Variants in SLC9A9 observed in about 807,000 individuals in gnomAD.
The protein encoded by SLC9A9 is sodium/hydrogen exchanger 9.
A neutral mutation model predicts 77.8 loss-of-function variants in SLC9A9; 62 were observed. The observed-to-expected ratio is 0.80, with a 90% CI of 0.65 to 0.98. SLC9A9 has a LOEUF of 0.98. Among genes scored for constraint, SLC9A9 ranks in the 50% least tolerant of loss-of-function variants. The probability of loss-of-function intolerance (pLI) is 0.00; values close to 1 mark genes in which losing one functional copy is unlikely to be tolerated. For missense variants in SLC9A9, 775 were observed against 774.9 expected, an observed-to-expected ratio of 1.00 and a Z score of 0.00; for synonymous variants, 320 against 283.5, an observed-to-expected ratio of 1.13 and a Z score of -1.29.
At chr3:143,774,842 C>T (rs992515980) in intron 4 of SLC9A9, among the ~76,000 whole-genome samples, 2 of 152,186 alleles carry the variant, frequency 1.3e-5, no homozygotes, top group African/African-American at 2.4e-5. Context: ...AGTGCGCTCC[C>T]CTGCCCCTTT....
intron 8 of SLC9A9, among the ~76,000 whole-genome samples, chr3:143,558,888 T>C (rs2037034466): frequency 6.6e-6 from 1 of 152,160 alleles, no homozygotes; most frequent in Non-Finnish European, 1.5e-5. Flanking sequence ...ATAGTTTGGC[T>C]GTGTCCCCAC....
chr3:143,737,537 G>C (rs1934970922), intron 4 of SLC9A9, among the ~76,000 whole-genome samples: 1 of 151,498 alleles, frequency 6.6e-6, no homozygotes, highest in African/African-American at 2.4e-5. Context: ...GGAGAAGACT[G>C]TCCTGATAAT....
chr3:143,423,217 A>G (rs1291155553), intron 12 of SLC9A9, among the ~76,000 whole-genome samples: 1 of 25,632 alleles, frequency 3.9e-5, no homozygotes, highest in African/African-American at 1.5e-4. Context: ...ACACACACGT[A>G]CACACACACA....
At chr3:143,782,647 C>A (rs2007918696) in intron 4 of SLC9A9, among the ~76,000 whole-genome samples, 1 of 152,198 alleles carries the variant, frequency 6.6e-6, no homozygotes, top group Non-Finnish European at 1.5e-5. Context: ...CAAAAAAATG[C>A]ACCTAAAGAG....
chr3:143,841,887 C>T (rs552339761), intron 1 of SLC9A9, among the ~76,000 whole-genome samples: 7 of 151,868 alleles, frequency 4.6e-5, no homozygotes, highest in East Asian at 1.9e-4. Context: ...CCGAGTAGCT[C>T]GGATTACAGG....
At chr3:143,474,747 A>G (rs559719257) in intron 11 of SLC9A9, among the ~76,000 whole-genome samples, 1 of 152,124 alleles carries the variant, frequency 6.6e-6, no homozygotes, top group African/African-American at 2.4e-5. Flanking sequence ...TACTGAAGAG[A>G]GTAGAAAGAT....
intron 12 of SLC9A9, among the ~76,000 whole-genome samples, chr3:143,439,928 C>T (rs1279302989): frequency 2.0e-5 from 3 of 151,866 alleles, no homozygotes; most frequent in Non-Finnish European, 4.4e-5. Flanking sequence ...AAAATGAAGC[C>T]CTCAGCAGTT....
intron 1 of SLC9A9, among the ~76,000 whole-genome samples, chr3:143,838,226 A>C (rs997486563): frequency 6.6e-6 from 1 of 152,180 alleles, no homozygotes; most frequent in Non-Finnish European, 1.5e-5. Context: ...AACTTAATAG[A>C]AGAGGTTCTC....
At chr3:143,436,819 C>G (rs764203166) in intron 12 of SLC9A9, among the ~76,000 whole-genome samples, 1 of 152,192 alleles carries the variant, frequency 6.6e-6, no homozygotes, top group South Asian at 2.1e-4. Flanking sequence ...TTGGCTGTGT[C>G]TTTGTCAGCA....
At chr3:143,453,563 CT>C (rs1259323878) in intron 12 of SLC9A9, among the ~76,000 whole-genome samples, 1 of 152,050 alleles carries the variant, frequency 6.6e-6, no homozygotes, top group Non-Finnish European at 1.5e-5. Context: ...AAGAAGAAAA[CT>C]GTATGATTAT....
chr3:143,503,575 T>A (rs1033389081), intron 9 of SLC9A9: 5 of 418,722 alleles, frequency 1.2e-5, no homozygotes, highest in African/African-American at 1.0e-4. Context: ...AGTGGGAACA[T>A]GGAAGGATAT....
At chr3:143,308,064 A>AC (rs1281452601) in intron 14 of SLC9A9, among the ~76,000 whole-genome samples, 4 of 152,138 alleles carry the variant, frequency 2.6e-5, no homozygotes, top group African/African-American at 4.8e-5. Flanking sequence ...CACAGCATCC[A>AC]CTTAACCACT....
intron 8 of SLC9A9, among the ~76,000 whole-genome samples, chr3:143,573,172 C>T (rs1437694030): frequency 6.6e-6 from 1 of 152,108 alleles, no homozygotes; most frequent in Non-Finnish European, 1.5e-5. Flanking sequence ...TATATGTCAA[C>T]TTTTATTATT....
At chr3:143,578,767 C>T in intron 6 of SLC9A9, 44 bp from the exon 7 acceptor site, 1 of 1,612,422 alleles carries the variant, frequency 6.2e-7, no homozygotes, top group East Asian at 2.2e-5. Flanking sequence ...ACTTTCATCT[C>T]ATAGCCCAGA....
At chr3:143,473,402 C>T (rs892945110) in intron 11 of SLC9A9, among the ~76,000 whole-genome samples, 2 of 152,208 alleles carry the variant, frequency 1.3e-5, no homozygotes, top group African/African-American at 4.8e-5. Context: ...TTCCTCTTCT[C>T]CATTGAGAAC....
intron 4 of SLC9A9, among the ~76,000 whole-genome samples, chr3:143,725,310 T>C (rs1355543088): frequency 2.6e-5 from 4 of 152,064 alleles, no homozygotes; most frequent in East Asian, 3.9e-4. Context: ...AGTTCAACCA[T>C]TGTGGAAGTC....
rs140196187 is a variant in SLC9A9 at position 143,552,386 on chromosome 3, C to T, written c.1065G>A (p.Ser355=). 82 of 1,612,128 alleles carry T rather than the reference C, an allele frequency of 5.1e-5. No individual in the cohort carries two copies. Among genetic ancestry groups the T allele is most frequent in the East Asian group, 6.7e-5 (3 of 44,740 alleles). Residue 355 remains serine, a synonymous_variant, in exon 9 of 16, where the codon TCG becomes TCA. Coordinates refer to ENST00000316549, the MANE Select transcript of SLC9A9 (RefSeq NM_173653.4). ...CCTGTTTAGTTCTTATTTTGGAATCCGAAGACAGATTGTTGTAGGTATAAT... is the reference window on the plus strand; with the variant it reads ...CCTGTTTAGTTCTTATTTTGGAATCTGAAGACAGATTGTTGTAGGTATAAT... ...QAHYTYNNLS[S]DSKIRTKQLF...
intron 12 of SLC9A9, among the ~76,000 whole-genome samples, chr3:143,401,936 T>C (rs998293061): frequency 6.6e-6 from 1 of 152,226 alleles, no homozygotes; most frequent in Non-Finnish European, 1.5e-5. Flanking sequence ...TTCTAGAAGC[T>C]GAAATTCTAC....
intron 1 of SLC9A9, among the ~76,000 whole-genome samples, chr3:143,847,074 G>C (rs1382436140): frequency 1.3e-5 from 2 of 152,112 alleles, no homozygotes; most frequent in African/African-American, 4.8e-5. Context: ...CTTAGGTTCT[G>C]AAATCACAAC....
Sources: allele counts gnomAD v4.1 joint callset (sites outside exome capture counted in the v4.1 genomes callset), GRCh38; gene constraint gnomAD v4.1.1; transcripts MANE v1.5; gene names NCBI Gene and HGNC (gene_info 2026-07-23, HGNC 2026-07-21).